The following SLIT3 variants were observed in gnomAD, a reference collection of about 807,000 sequenced individuals.
SLIT3 encodes the protein slit homolog 3 protein.
A neutral mutation model predicts 184.0 loss-of-function variants in SLIT3; 68 were observed. The observed-to-expected ratio is 0.37, with a 90% confidence interval of 0.30 to 0.45. SLIT3 has a LOEUF of 0.45. SLIT3 is among the 20% of genes least tolerant of loss of function. The pLI, the probability that SLIT3 is intolerant of heterozygous loss-of-function variation, is 1.00. For missense variants in SLIT3, 1,707 were observed against 2,026.0 expected (o/e 0.84, Z 3.02); for synonymous variants, 831 against 828.6 (o/e 1.00, Z -0.05).
rs183468359 is a variant in SLIT3, at chr5:169,138,875, G to A, written c.413+54604C>T. Among the ~76,000 whole-genome samples the A allele has an allele frequency of 7.9e-5, 12 of 152,318 alleles. No homozygotes were observed. In the East Asian group the frequency reaches 2.1e-3, roughly 27 times the overall value. On this transcript the variant is annotated intron_variant, in intron 4 of 35. Coordinates refer to ENST00000519560, the MANE Select transcript of SLIT3 (RefSeq NM_003062.4). ...TGATATTATCATGGGGAAATTGTTC[G>A]AAGTCTTAAAGTGATCACTTGAAAG...
intron 5 of SLIT3, among the ~76,000 whole-genome samples, chr5:168,851,078 C>G (rs960092302): frequency 6.6e-6 from 1 of 152,130 alleles, no homozygotes; most frequent in African/African-American, 2.4e-5. Flanking sequence ...GATCCCAGCA[C>G]TTTGGGAGGC....
chr5:169,142,994 C>T (rs1761796723), intron 4 of SLIT3, among the ~76,000 whole-genome samples: 1 of 152,116 alleles, frequency 6.6e-6, no homozygotes, highest in Non-Finnish European at 1.5e-5. Flanking sequence ...CCCATCTGCC[C>T]CAGGGAGAAT....
intron 1 of SLIT3, among the ~76,000 whole-genome samples, chr5:169,258,522 G>A (rs1561771405): frequency 6.6e-6 from 1 of 152,146 alleles, no homozygotes; most frequent in South Asian, 2.1e-4. Context: ...GTCTGGTTTT[G>A]GTCATGTTGC....
At chr5:168,845,439 C>T (rs933680758) in intron 5 of SLIT3, among the ~76,000 whole-genome samples, 2 of 152,148 alleles carry the variant, frequency 1.3e-5, no homozygotes, top group Non-Finnish European at 2.9e-5. Flanking sequence ...CTTAAAGATG[C>T]ACCACTTTGA....
At chr5:168,852,107 C>T (rs1428489395) in intron 5 of SLIT3, among the ~76,000 whole-genome samples, 2 of 152,198 alleles carry the variant, frequency 1.3e-5, no homozygotes, top group Non-Finnish European at 2.9e-5. Flanking sequence ...AAATAAATGG[C>T]TGTCTCCATA....
At chr5:168,702,584 A>G (rs2113288941) in intron 26 of SLIT3, among the ~76,000 whole-genome samples, 1 of 152,256 alleles carries the variant, frequency 6.6e-6, no homozygotes, top group Non-Finnish European at 1.5e-5. Flanking sequence ...CACTTATGAA[A>G]TGGAAATAAT....
intron 18 of SLIT3, 41 bp from the exon 19 acceptor site, chr5:168,749,676 G>T: frequency 1.2e-6 from 2 of 1,609,840 alleles, no homozygotes; most frequent in Non-Finnish European, 1.7e-6. Context: ...TCCTTCTACT[G>T]TGGGAGCGGC....
chr5:168,852,206 G>A (rs1758704845), intron 5 of SLIT3, among the ~76,000 whole-genome samples: 1 of 152,208 alleles, frequency 6.6e-6, no homozygotes, highest in South Asian at 2.1e-4. Context: ...CAGGAGGGAG[G>A]AAGAAGCGAG....
rs762339221 is a variant in SLIT3, at chr5:168,685,678, G to C, written c.3555+9C>G. The C allele has an allele frequency of 1.2e-5, 18 of 1,541,170 alleles. 1 individual carries two copies. The Admixed American group carries it at 2.3e-4, about 19-fold the overall frequency. ...GGTCCTTCCAAGGGCAGGGCAGGGC[G>C]GGACACACCTGCAGGGAGATGTTGG... On this transcript the variant is annotated intron_variant, in intron 31 of 35. Transcript: ENST00000519560.
At chr5:169,268,373 G>A (rs1766472806) in intron 1 of SLIT3, among the ~76,000 whole-genome samples, 1 of 152,196 alleles carries the variant, frequency 6.6e-6, no homozygotes, top group Non-Finnish European at 1.5e-5. Context: ...AATTCTGAAT[G>A]TCATCTGATG....
intron 3 of SLIT3, among the ~76,000 whole-genome samples, chr5:169,203,388 C>G (rs1387293363): frequency 4.1e-5 from 6 of 144,610 alleles, no homozygotes; most frequent in African/African-American, 1.0e-4. Context: ...CACACACACA[C>G]AGCAGATAAT....
chr5:169,191,940 T>C (rs934493345), intron 4 of SLIT3, among the ~76,000 whole-genome samples: 4 of 152,162 alleles, frequency 2.6e-5, no homozygotes, highest in African/African-American at 9.7e-5. Flanking sequence ...GCCTTTAAAT[T>C]GATGCTTATG....
intron 5 of SLIT3, among the ~76,000 whole-genome samples, chr5:168,857,051 G>A (rs1031912348): frequency 2.6e-5 from 4 of 151,944 alleles, no homozygotes; most frequent in Non-Finnish European, 5.9e-5. Context: ...CAGGACTCTC[G>A]GGAGCAGCCA....
chr5:169,213,645 C>T (rs759125408), intron 3 of SLIT3, among the ~76,000 whole-genome samples: 21 of 152,124 alleles, frequency 1.4e-4, no homozygotes, highest in African/African-American at 4.8e-4. Flanking sequence ...TGACTCACTC[C>T]CCTGCTTAAT....
Position 168,665,209 on chromosome 5 carries a change from C to G in SLIT3, c.*1245G>C, listed in dbSNP as rs1316853195. On this transcript the variant is annotated 3_prime_UTR_variant, in exon 36 of 36. Coordinates refer to ENST00000519560, the MANE Select transcript of SLIT3 (RefSeq NM_003062.4). ...GTGAACCCAGCTCTACTCCCTTATC[C>G]TTCCCAGGGAGGCAGGGGTTGCATA... The G allele has an allele frequency of 6.6e-6, 1 of 152,220 alleles. No individual in the cohort carries two copies. Among genetic ancestry groups the G allele is most frequent in the East Asian group, 1.9e-4 (1 of 5,192 alleles). The allele number at this position is 152,220 out of a possible 1,614,324, so 9.4% of individuals were successfully genotyped here. A position where few individuals can be genotyped will look rare whatever the true frequency, so the allele number is the denominator to read the frequency against.
intron 7 of SLIT3, among the ~76,000 whole-genome samples, chr5:168,820,690 T>C (rs1223962613): frequency 6.6e-6 from 1 of 152,210 alleles, no homozygotes; most frequent in African/African-American, 2.4e-5. Context: ...TGCAATCTTT[T>C]GCTGATGGAC....
At chr5:168,904,285 G>A (rs964415623) in intron 4 of SLIT3, among the ~76,000 whole-genome samples, 1 of 152,078 alleles carries the variant, frequency 6.6e-6, no homozygotes, top group Non-Finnish European at 1.5e-5. Flanking sequence ...GGACTTTTCT[G>A]CTAAGTTTGC....
At chr5:169,063,551 G>C (rs1758247181) in intron 4 of SLIT3, among the ~76,000 whole-genome samples, 1 of 152,192 alleles carries the variant, frequency 6.6e-6, no homozygotes, top group South Asian at 2.1e-4. Context: ...CACCCTGCTG[G>C]GGATTACTTG....
At chr5:168,968,323 T>C (rs996348122) in intron 4 of SLIT3, among the ~76,000 whole-genome samples, 1 of 152,204 alleles carries the variant, frequency 6.6e-6, no homozygotes, top group Non-Finnish European at 1.5e-5. Context: ...TACCCTGGAA[T>C]TCAAGCTCCT....
Sources: allele counts gnomAD v4.1 joint callset (sites outside exome capture counted in the v4.1 genomes callset), GRCh38; gene constraint gnomAD v4.1.1; transcripts MANE v1.5; gene names NCBI Gene and HGNC (gene_info 2026-07-23, HGNC 2026-07-21).